The following KCNH1 variants were observed in gnomAD, a reference collection of about 807,000 sequenced individuals.
KCNH1 encodes the protein potassium voltage-gated channel subfamily H member 1.
In KCNH1, 27 loss-of-function variants were observed where a neutral mutation model predicts 69.2. The observed-to-expected ratio is 0.39, with a 90% confidence interval of 0.29 to 0.54. The LOEUF is 0.54. KCNH1 is among the 20% of genes least tolerant of loss of function. The probability of loss-of-function intolerance (pLI) is 0.68; values close to 1 mark genes in which losing one functional copy is unlikely to be tolerated. For missense variants in KCNH1, 798 were observed against 1,261.6 expected (o/e 0.63, Z 5.57); for synonymous variants, 456 against 487.7 (o/e 0.93, Z 0.86).
At chr1:211,013,047 G>A (rs187447739) in intron 6 of KCNH1, among the ~76,000 whole-genome samples, 4 of 152,276 alleles carry the variant, frequency 2.6e-5, no homozygotes, top group African/African-American at 9.6e-5. Flanking sequence ...GAAAAGCCCT[G>A]GTCATCTCAT....
chr1:210,801,870 T>G (rs1684435255), intron 8 of KCNH1, among the ~76,000 whole-genome samples: 1 of 152,222 alleles, frequency 6.6e-6, no homozygotes, highest in African/African-American at 2.4e-5. Context: ...ATCCAAGAAA[T>G]TAGAATGACT....
intron 1 of KCNH1, among the ~76,000 whole-genome samples, chr1:211,112,056 G>C (rs1691477536): frequency 1.3e-5 from 2 of 148,958 alleles, no homozygotes; most frequent in Non-Finnish European, 3.0e-5. Flanking sequence ...CATCTAGGAA[G>C]TGAGGTGCCC....
chr1:210,985,131 C>A (rs1433754717), intron 6 of KCNH1, among the ~76,000 whole-genome samples: 2 of 151,868 alleles, frequency 1.3e-5, no homozygotes, highest in East Asian at 3.9e-4. Context: ...GTGGTGATAT[C>A]CCTTTATCAT....
chr1:211,050,222 T>G (rs1167879100), intron 5 of KCNH1, among the ~76,000 whole-genome samples: 2 of 127,656 alleles, frequency 1.6e-5, no homozygotes, highest in Non-Finnish European at 3.1e-5. Context: ...TGGGTTTTTA[T>G]GACTACAAAG....
At chr1:210,734,219 T>C (rs1682815939) in intron 10 of KCNH1, among the ~76,000 whole-genome samples, 1 of 152,174 alleles carries the variant, frequency 6.6e-6, no homozygotes, top group South Asian at 2.1e-4. Flanking sequence ...GTGACGGCAA[T>C]TGATTTCATG....
chr1:210,849,090 A>T (rs768866974), intron 7 of KCNH1, among the ~76,000 whole-genome samples: 2 of 152,242 alleles, frequency 1.3e-5, no homozygotes, highest in Non-Finnish European at 2.9e-5. Context: ...AGATGTGAGC[A>T]TTGGAACCTG....
rs548660935 is a variant in KCNH1, at chr1:210,832,869, T to C, written c.1463-28703A>G. ...GCAAATTACAATGGCTGTACTCATC[T>C]AGACAAGTCATTAAACAGGTGTTGC... On this transcript the variant is annotated intron_variant, in intron 7 of 10. Coordinates refer to ENST00000271751, the MANE Select transcript of KCNH1 (RefSeq NM_172362.3). 3.4e-5 allele frequency among the ~76,000 whole-genome samples: 5 copies of C among 146,658 alleles called. No homozygotes were observed. In the South Asian group the frequency reaches 1.1e-3, roughly 31 times the overall value.
intron 5 of KCNH1, among the ~76,000 whole-genome samples, chr1:211,040,135 G>A (rs1401710706): frequency 2.0e-5 from 3 of 149,898 alleles, no homozygotes; most frequent in Non-Finnish European, 4.4e-5. Context: ...AGCTTGCAGT[G>A]AGCCAAGATC....
intron 7 of KCNH1, among the ~76,000 whole-genome samples, chr1:210,842,800 T>C (rs1685438712): frequency 2.0e-5 from 3 of 152,152 alleles, no homozygotes; most frequent in Non-Finnish European, 4.4e-5. Context: ...TAACAAACCC[T>C]ATAGCTAAAG....
intron 7 of KCNH1, among the ~76,000 whole-genome samples, chr1:210,834,298 A>C (rs1341173344): frequency 1.3e-5 from 2 of 149,474 alleles, no homozygotes; most frequent in African/African-American, 4.9e-5. Context: ...ATGTCCAACA[A>C]TGATAGACTG....
chr1:210,945,046 C>T (rs1687934217), intron 6 of KCNH1, among the ~76,000 whole-genome samples: 1 of 152,158 alleles, frequency 6.6e-6, no homozygotes, highest in South Asian at 2.1e-4. Context: ...TTTCATTTAG[C>T]ACAGTGTTTT....
At chr1:210,907,623 T>G (rs1163801754) in intron 7 of KCNH1, among the ~76,000 whole-genome samples, 1 of 151,564 alleles carries the variant, frequency 6.6e-6, no homozygotes, top group Admixed American at 6.6e-5. Flanking sequence ...TGAGCACAGG[T>G]GGAGGAGGGC....
intron 6 of KCNH1, among the ~76,000 whole-genome samples, chr1:210,985,898 T>C (rs1260085826): frequency 1.3e-5 from 2 of 152,152 alleles, no homozygotes; most frequent in Non-Finnish European, 1.5e-5. Flanking sequence ...AAGTCTCCCA[T>C]TATTATTGTG....
Position 211,018,635 on chromosome 1 carries a change from C to T in KCNH1, c.1032+148G>A, listed in dbSNP as rs1689536346. On this transcript the variant is annotated intron_variant, in intron 6 of 10. Transcript: ENST00000271751. Reference sequence around the variant, plus strand: ...CCAAACCGCCAAAGGATGGGAACAGCAGGCAAGGGTATCTATCAAGCATGC... The same window carrying T: ...CCAAACCGCCAAAGGATGGGAACAGTAGGCAAGGGTATCTATCAAGCATGC... 1.5e-5 allele frequency: 10 copies of T among 686,384 alleles called. No individual in the cohort carries two copies. The South Asian group carries it at 1.8e-4, about 12-fold the overall frequency. The allele number at this position is 686,384 out of a possible 1,614,324, so 42.5% of individuals were successfully genotyped here.
intron 7 of KCNH1, chr1:210,861,522 G>T (rs998075350): frequency 2.6e-6 from 2 of 773,126 alleles, no homozygotes; most frequent in East Asian, 4.9e-5. Context: ...GATAACTCAG[G>T]TCGGTCATCT....
At chr1:210,875,042 G>A (rs1686337380) in intron 7 of KCNH1, among the ~76,000 whole-genome samples, 1 of 152,142 alleles carries the variant, frequency 6.6e-6, no homozygotes, top group Non-Finnish European at 1.5e-5. Flanking sequence ...AATGAAAAAG[G>A]AAGGCAAAAG....
chr1:210,877,260 G>A (rs145154291), intron 7 of KCNH1, among the ~76,000 whole-genome samples: 2,606 of 152,220 alleles, frequency 0.017, 31 homozygotes, highest in Non-Finnish European at 0.027. Flanking sequence ...GAGCAGGGAC[G>A]TAAGTGGAAG....
intron 7 of KCNH1, among the ~76,000 whole-genome samples, chr1:210,816,856 T>C (rs999925584): frequency 1.3e-5 from 2 of 152,160 alleles, no homozygotes; most frequent in Non-Finnish European, 2.9e-5. Flanking sequence ...TTCTTCTAAA[T>C]CTCAAAACAA....
intron 6 of KCNH1, among the ~76,000 whole-genome samples, chr1:210,995,253 A>C (rs1293423132): frequency 6.6e-6 from 1 of 152,204 alleles, no homozygotes; most frequent in Non-Finnish European, 1.5e-5. Context: ...GCCTTTTGCC[A>C]TTCTTCCTTT....
Sources: gnomAD v4.1 joint callset for allele counts (sites outside exome capture counted in the v4.1 genomes callset) on GRCh38, gnomAD v4.1.1 for gene constraint, MANE v1.5 for transcripts, NCBI Gene and HGNC (gene_info 2026-07-23, HGNC 2026-07-21) for gene names.